Variants in FUT8 observed in about 807,000 individuals in gnomAD.
The protein encoded by FUT8 is fucosyltransferase 8.
FUT8 carries 29 observed loss-of-function variants against 71.3 expected under a neutral mutation model. The ratio of observed to expected loss-of-function variants is 0.41; its 90% CI spans 0.30 to 0.55. FUT8 has a LOEUF of 0.55. FUT8 is among the 20% of genes least tolerant of loss of function. The pLI is 0.34. For synonymous variants in FUT8, 254 were observed against 239.3 expected (o/e 1.06, Z -0.57); for missense variants, 544 against 702.1 (o/e 0.77, Z 2.55).
chr14:65,581,066 G>A (rs2140111950), intron 3 of FUT8, among the ~76,000 whole-genome samples: 1 of 152,138 alleles, frequency 6.6e-6, no homozygotes, highest in African/African-American at 2.4e-5. Flanking sequence ...GTTTTTATAG[G>A]AAATAAAGCT....
At chr14:65,722,613 T>C (rs1400436645) in intron 8 of FUT8, among the ~76,000 whole-genome samples, 1 of 152,242 alleles carries the variant, frequency 6.6e-6, no homozygotes, top group Non-Finnish European at 1.5e-5. Flanking sequence ...CATGTAACTT[T>C]TGATTGAAAT....
chr14:65,667,499 A>C (rs1197810365), intron 6 of FUT8, among the ~76,000 whole-genome samples: 2 of 152,172 alleles, frequency 1.3e-5, no homozygotes, highest in Non-Finnish European at 2.9e-5. Context: ...GGGAATTACA[A>C]AACACTGCTC....
intron 2 of FUT8, among the ~76,000 whole-genome samples, chr14:65,548,300 T>G (rs1211421232): frequency 6.6e-6 from 1 of 152,078 alleles, no homozygotes; most frequent in Non-Finnish European, 1.5e-5. Flanking sequence ...TTTTTCCCTT[T>G]CTGTAATGTC....
chr14:65,558,039 A>G (rs1461030398), intron 2 of FUT8, among the ~76,000 whole-genome samples: 2 of 152,130 alleles, frequency 1.3e-5, no homozygotes, highest in Non-Finnish European at 2.9e-5. Context: ...GTAAACCATA[A>G]GACTCTCTTG....
chr14:65,671,245 A>G (rs1892464357), intron 7 of FUT8, among the ~76,000 whole-genome samples: 1 of 152,142 alleles, frequency 6.6e-6, no homozygotes, highest in African/African-American at 2.4e-5. Context: ...ATCAGGTTTA[A>G]TATATAGTTT....
intron 7 of FUT8, among the ~76,000 whole-genome samples, chr14:65,672,799 T>G (rs1950559): frequency 0.063 from 9,569 of 152,292 alleles, 553 homozygotes; most frequent in African/African-American, 0.15. Context: ...GGATATTGAC[T>G]ATTTTAGGCT....
rs539972454 is a variant in FUT8 at position 65,622,897 on chromosome 14, G to C, written c.482+6524G>C. ...ATTCCATCTCTGTGCTGGCCCTTAG[G>C]GGGAGCTTCTCTGTTTTTTTTTTTT... On this transcript the variant is annotated intron_variant, in intron 5 of 10. Transcript: ENST00000673929. Among the ~76,000 whole-genome samples, 15 of 147,840 alleles carry C rather than the reference G, an allele frequency of 1.0e-4. 1 individual carries two copies. The highest frequency in any genetic ancestry group is 6.9e-3 in the Middle Eastern group (2 of 288).
chr14:65,715,119 A>G (rs1427338368), intron 7 of FUT8, among the ~76,000 whole-genome samples: 5 of 152,214 alleles, frequency 3.3e-5, no homozygotes, highest in South Asian at 2.1e-4. Context: ...ACTGTGTTGA[A>G]TAACAGTGGT....
chr14:65,691,605 A>C (rs972501381), intron 7 of FUT8, among the ~76,000 whole-genome samples: 59 of 152,092 alleles, frequency 3.9e-4, no homozygotes, highest in African/African-American at 9.9e-4. Context: ...TTCTTTATTT[A>C]TTTATTTATT....
At chr14:65,504,377 T>A (rs1237703391) in intron 2 of FUT8, among the ~76,000 whole-genome samples, 2 of 152,162 alleles carry the variant, frequency 1.3e-5, no homozygotes, top group African/African-American at 2.4e-5. Context: ...TGTTTCACAT[T>A]AACAGCAAAG....
rs73268580 is a variant in FUT8, at chr14:65,688,853, C to T, written c.835+19373C>T. Reference sequence around the variant, plus strand: ...AATATAAACTGGGTAGTTTAAACAACATACAGTTTTGGTGAGGGCCTTCTT... The same window carrying T: ...AATATAAACTGGGTAGTTTAAACAATATACAGTTTTGGTGAGGGCCTTCTT... On this transcript the variant is annotated intron_variant, in intron 7 of 10. Transcript: ENST00000673929. Among the ~76,000 whole-genome samples the T allele has an allele frequency of 9.4e-3, 1,425 of 152,282 alleles. 22 individuals are homozygous for T. The highest frequency in any genetic ancestry group is 0.033 in the African/African-American group (1,357 of 41,550).
chr14:65,430,220 A>C (rs1231546396), intron 1 of FUT8: 1 of 151,176 alleles, frequency 6.6e-6, no homozygotes, highest in Non-Finnish European at 1.5e-5. Context: ...TTGTAGAGAC[A>C]GGGTTTCTCT....
intron 2 of FUT8, among the ~76,000 whole-genome samples, chr14:65,526,486 A>C (rs1200227087): frequency 6.6e-6 from 1 of 152,196 alleles, no homozygotes; most frequent in Admixed American, 6.5e-5. Flanking sequence ...TCCTGAATAC[A>C]GCACACTGAT....
intron 7 of FUT8, among the ~76,000 whole-genome samples, chr14:65,690,456 T>C (rs912166023): frequency 1.3e-5 from 2 of 152,250 alleles, no homozygotes; most frequent in Non-Finnish European, 2.9e-5. Context: ...GTGATGAATT[T>C]ATATATAAAG....
chr14:65,566,840 T>C (rs534093832), intron 3 of FUT8, among the ~76,000 whole-genome samples: 40 of 152,104 alleles, frequency 2.6e-4, no homozygotes, highest in Admixed American at 1.2e-3. Flanking sequence ...CCTTTTATGC[T>C]TCATGTTCGT....
At chr14:65,386,415 C>G in the FUT8 span, among the ~76,000 whole-genome samples, 20,149 of 147,574 alleles carry the variant, frequency 0.14, 1,955 homozygotes, top group East Asian at 0.54. Context: ...GAGGTGGGAG[C>G]ATCTCTGAGC....
intron 2 of FUT8, among the ~76,000 whole-genome samples, chr14:65,554,041 C>T (rs1245978382): frequency 6.6e-6 from 1 of 152,026 alleles, no homozygotes. Context: ...TACACCTGCA[C>T]TAGATCATTG....
At chr14:65,501,895 ACTTTGT>A (rs5809277) in intron 2 of FUT8, among the ~76,000 whole-genome samples, 98,576 of 149,832 alleles carry the variant, frequency 0.66, 32,541 homozygotes, top group East Asian at 0.77. Context: ...AGACGGGTCT[ACTTTGT>A]CTTTTCTTTT....
At chr14:65,713,653 A>G (rs1255277954) in intron 7 of FUT8, among the ~76,000 whole-genome samples, 1 of 152,160 alleles carries the variant, frequency 6.6e-6, no homozygotes, top group African/African-American at 2.4e-5. Flanking sequence ...ACCTCTTCAT[A>G]TACCTGTTTC....
Sources: gnomAD v4.1 joint callset for allele counts (sites outside exome capture counted in the v4.1 genomes callset) on GRCh38, gnomAD v4.1.1 for gene constraint, MANE v1.5 for transcripts, NCBI Gene and HGNC (gene_info 2026-07-23, HGNC 2026-07-21) for gene names.